Variants in ATP8A1 observed in about 807,000 individuals in gnomAD.
ATP8A1 encodes the protein phospholipid-transporting ATPase IA.
Under a neutral mutation model 177.7 loss-of-function variants are expected in ATP8A1, and 90 were observed. That is an observed-to-expected ratio of 0.51 (90% CI 0.43 to 0.60). The LOEUF (loss-of-function observed/expected upper bound fraction) is 0.60. ATP8A1 is among the 20% of genes least tolerant of loss of function. The probability of loss-of-function intolerance (pLI) is 0.00; values close to 1 mark genes in which losing one functional copy is unlikely to be tolerated. For missense variants in ATP8A1, 1,072 were observed against 1,392.8 expected (o/e 0.77, Z 3.67); for synonymous variants, 493 against 485.9 (o/e 1.01, Z -0.19).
rs1258066211 is a variant in ATP8A1 at position 42,578,175 on chromosome 4, T to G, written c.1128+85A>C. On this transcript the variant is annotated intron_variant, in intron 12 of 36. Transcript: ENST00000381668. ...GTGGTCAAGAAACGGTAGATATAATTAAAACCTTTTTTCTCCTGAGATATC... is the reference window on the plus strand; with the variant it reads ...GTGGTCAAGAAACGGTAGATATAATGAAAACCTTTTTTCTCCTGAGATATC... 4 of 1,325,610 alleles carry G rather than the reference T, an allele frequency of 3.0e-6. No homozygotes were observed. The East Asian group carries it at 1.0e-4, about 34-fold the overall frequency. 82.1% of individuals were successfully genotyped at this position (1,325,610 alleles called of 1,614,324 possible). A position where few individuals can be genotyped will look rare whatever the true frequency, so the allele number is the denominator to read the frequency against.
intron 20 of ATP8A1, among the ~76,000 whole-genome samples, chr4:42,530,072 C>A (rs1415962194): frequency 6.6e-6 from 1 of 152,176 alleles, no homozygotes; most frequent in Admixed American, 6.5e-5. Flanking sequence ...GTTTAATAAT[C>A]AAGTGGATAG....
chr4:42,469,591 C>T (rs536019421), intron 25 of ATP8A1, among the ~76,000 whole-genome samples: 1 of 152,304 alleles, frequency 6.6e-6, no homozygotes, highest in South Asian at 2.1e-4. Flanking sequence ...GATTGCCCCT[C>T]TTTGATAATT....
Position 42,657,034 on chromosome 4 carries a change from C to T in ATP8A1, c.-161G>A. ...GCTGCCGCCGGGCGCGGCCCCCGCACGCCGACAGGAGGAGGAGAAAGGCAG... is the reference window on the plus strand; with the variant it reads ...GCTGCCGCCGGGCGCGGCCCCCGCATGCCGACAGGAGGAGGAGAAAGGCAG... On this transcript the variant is annotated 5_prime_UTR_variant, in exon 1 of 37. The change creates a new upstream start codon in the 5' untranslated region. Coordinates refer to ENST00000381668, the MANE Select transcript of ATP8A1 (RefSeq NM_006095.2). The T allele has an allele frequency of 1.5e-6, 1 of 656,340 alleles. No individual in the cohort carries two copies. The highest frequency in any genetic ancestry group is 2.2e-6 in the Non-Finnish European group (1 of 462,286). The allele number at this position is 656,340 out of a possible 1,614,324, so 40.7% of individuals were successfully genotyped here. A position where few individuals can be genotyped will look rare whatever the true frequency, so the allele number is the denominator to read the frequency against.
chr4:42,605,828 G>A (rs1303051686), intron 5 of ATP8A1, among the ~76,000 whole-genome samples: 2 of 152,140 alleles, frequency 1.3e-5, no homozygotes, highest in African/African-American at 2.4e-5. Context: ...GTGGCATACT[G>A]CCCAAATGTA....
chr4:42,544,071 T>A, intron 19 of ATP8A1, 85 bp from the exon 20 acceptor site: 1 of 1,121,094 alleles, frequency 8.9e-7, no homozygotes, highest in South Asian at 1.4e-5. Context: ...ATTTTGATAT[T>A]CACAGTAAAA....
intron 6 of ATP8A1, among the ~76,000 whole-genome samples, chr4:42,600,214 T>C (rs970538819): frequency 2.6e-5 from 4 of 152,124 alleles, no homozygotes; most frequent in Non-Finnish European, 5.9e-5. Context: ...AGTTCATGGT[T>C]AAATAAAATC....
At chr4:42,415,630 CA>C (rs1298620582) in intron 35 of ATP8A1, among the ~76,000 whole-genome samples, 1 of 152,068 alleles carries the variant, frequency 6.6e-6, no homozygotes. Context: ...GCATGAGAAA[CA>C]AATAAGTAAT....
At chr4:42,518,865 C>G (rs1000901427) in intron 22 of ATP8A1, among the ~76,000 whole-genome samples, 4 of 152,158 alleles carry the variant, frequency 2.6e-5, no homozygotes, top group Non-Finnish European at 5.9e-5. Context: ...TGGTCTGACA[C>G]GCTGAAACTT....
intron 33 of ATP8A1, among the ~76,000 whole-genome samples, chr4:42,426,361 A>C (rs578029853): frequency 1.7e-4 from 26 of 152,196 alleles, no homozygotes; most frequent in Non-Finnish European, 3.5e-4. Context: ...TATTAATATC[A>C]GAGTGGCATG....
At chr4:42,435,443 A>AAAC (rs1715838504) in intron 33 of ATP8A1, among the ~76,000 whole-genome samples, 2 of 83,282 alleles carry the variant, frequency 2.4e-5, no homozygotes, top group African/African-American at 1.0e-4. Flanking sequence ...AAAAAAAAAA[A>AAAC]AAAAAACAAA....
intron 10 of ATP8A1, among the ~76,000 whole-genome samples, chr4:42,580,513 A>G (rs1229197610): frequency 6.6e-6 from 1 of 152,240 alleles, no homozygotes; most frequent in African/African-American, 2.4e-5. Flanking sequence ...TAACAGAGGC[A>G]AGTTGCCTCA....
At chr4:42,636,156 A>ACACGCGCGCGTGCGTGCGCG (rs565139270) in intron 1 of ATP8A1, among the ~76,000 whole-genome samples, 1 of 90,898 alleles carries the variant, frequency 1.1e-5, no homozygotes, top group Non-Finnish European at 2.6e-5. Flanking sequence ...ACACACACAC[A>ACACGCGCGCGTGCGTGCGCG]CGCACACACA....
chr4:42,574,470 CAT>C (rs765243442), intron 14 of ATP8A1, 147 bp downstream of exon 14: 9 of 647,306 alleles, frequency 1.4e-5, no homozygotes, highest in Admixed American at 3.5e-5. Context: ...GCGAAATATA[CAT>C]GTGTCCTAAA....
At chr4:42,521,538 T>C (rs1309520268) in intron 22 of ATP8A1, among the ~76,000 whole-genome samples, 2 of 152,218 alleles carry the variant, frequency 1.3e-5, no homozygotes, top group African/African-American at 4.8e-5. Context: ...ATCCATCACT[T>C]TCTGGCTTAA....
chr4:42,498,720 A>C (rs1345234486), intron 24 of ATP8A1, among the ~76,000 whole-genome samples: 1 of 152,216 alleles, frequency 6.6e-6, no homozygotes, highest in Non-Finnish European at 1.5e-5. Flanking sequence ...GATGATGTCC[A>C]GCATTGTTTC....
chr4:42,414,493 C>A, intron 36 of ATP8A1, 134 bp downstream of exon 36: 1 of 683,644 alleles, frequency 1.5e-6, no homozygotes, highest in Non-Finnish European at 2.4e-6. Context: ...CTGTTATTTA[C>A]AGGTTACAAA....
chr4:42,414,614 C>T lies in ATP8A1; in HGVS notation c.3397+13G>A. On this transcript the variant is annotated intron_variant, in intron 36 of 36. Transcript: ENST00000381668. ...AGAGAATTTATTTAAAAATAAGAAA[C>T]TCAAATACTCACGGAGCAGATTTTG... The T allele has an allele frequency of 6.2e-7, 1 of 1,606,962 alleles. No homozygotes were observed. The highest frequency in any genetic ancestry group is 1.1e-5 in the South Asian group (1 of 90,942).
chr4:42,457,877 T>G (rs956695076), intron 27 of ATP8A1, among the ~76,000 whole-genome samples: 7 of 152,218 alleles, frequency 4.6e-5, no homozygotes, highest in African/African-American at 1.2e-4. Flanking sequence ...ACGACAATTT[T>G]TAAGTGGAAA....
intron 19 of ATP8A1, among the ~76,000 whole-genome samples, chr4:42,546,219 C>A (rs1048320631): frequency 3.3e-5 from 5 of 152,002 alleles, no homozygotes. Flanking sequence ...TGGTGATAAG[C>A]ATTTAACATA....
Sources: gnomAD v4.1 joint callset for allele counts (sites outside exome capture counted in the v4.1 genomes callset) on GRCh38, gnomAD v4.1.1 for gene constraint, MANE v1.5 for transcripts, NCBI Gene and HGNC (gene_info 2026-07-23, HGNC 2026-07-21) for gene names.